Variants in THBS4 observed in about 807,000 individuals in gnomAD.
The protein encoded by THBS4 is thrombospondin-4.
THBS4 carries 90 observed loss-of-function variants against 115.7 expected under a neutral mutation model. That is an observed-to-expected ratio of 0.78 (90% confidence interval 0.66 to 0.93). The LOEUF (loss-of-function observed/expected upper bound fraction) is 0.93, where lower values mean the gene tolerates loss of function less well. Ranked by LOEUF, THBS4 falls within the 40% of genes least tolerant of loss-of-function variation. THBS4 has a pLI of 0.00. For synonymous variants in THBS4, 460 were observed against 479.3 expected (o/e 0.96, Z 0.53); for missense variants, 1,087 against 1,232.7 (o/e 0.88, Z 1.77).
At chr5:80,047,601 C>T (rs907436176) in intron 2 of THBS4, among the ~76,000 whole-genome samples, 3 of 150,996 alleles carry the variant, frequency 2.0e-5, no homozygotes, top group Non-Finnish European at 4.4e-5. Flanking sequence ...TGAGCCCACA[C>T]ATTCAAGACC....
intron 14 of THBS4, 34 bp downstream of exon 14, chr5:80,072,430 C>T: frequency 1.3e-6 from 2 of 1,560,276 alleles, no homozygotes; most frequent in South Asian, 1.1e-5. Context: ...AAACTCCAGG[C>T]TGAATTCCTC....
chr5:80,059,225 G>A (rs1355922658), intron 5 of THBS4, among the ~76,000 whole-genome samples: 3 of 151,852 alleles, frequency 2.0e-5, no homozygotes, highest in South Asian at 2.1e-4. Context: ...AGCTACTCAG[G>A]AGGCTGAGGC....
intron 2 of THBS4, among the ~76,000 whole-genome samples, chr5:80,023,445 C>G (rs982876688): frequency 4.6e-5 from 7 of 152,286 alleles, no homozygotes; most frequent in African/African-American, 1.7e-4. Flanking sequence ...TATTTTCCTT[C>G]CATTTACAAG....
intron 15 of THBS4, among the ~76,000 whole-genome samples, chr5:80,075,525 C>T (rs1743161743): frequency 6.6e-6 from 1 of 152,194 alleles, no homozygotes; most frequent in Non-Finnish European, 1.5e-5. Flanking sequence ...GGACTGTATC[C>T]TGACAACTGC....
chr5:80,019,041 G>GTTTTTTTTTT (rs537532061), intron 2 of THBS4, among the ~76,000 whole-genome samples: 1 of 135,012 alleles, frequency 7.4e-6, no homozygotes, highest in African/African-American at 2.7e-5. Context: ...CTCTGTGATT[G>GTTTTTTTTTT]TTTTTTTTTT....
At position 80,055,793 on chromosome 5, in the gene THBS4, C is replaced by T. The variant is rs369263489; in HGVS notation, c.301C>T (p.Arg101Cys). Reference protein sequence around the residue: ...VMGRLNKAILRYLKNDGKVHL... With the variant: ...VMGRLNKAILCYLKNDGKVHL... ...CCTGTGCTTGCTTCCAGCCATCCTC[C>T]GTTACCTGAAGAACGATGGGAAGGT... is the stretch of plus-strand genomic sequence containing the variant. The change falls in exon 3 of 22, where the codon CGT becomes TGT. Residue 101 changes from arginine to cysteine, a missense_variant. Physicochemically the swap from Arg to Cys is radical, Grantham distance 180. Transcript: ENST00000350881. 17 of 1,612,928 alleles carry T rather than the reference C, an allele frequency of 1.1e-5. No homozygotes were observed. The highest frequency in any genetic ancestry group is 2.7e-5 in the African/African-American group (2 of 74,918).
chr5:80,015,053 C>T (rs1832220251), intron 2 of THBS4, among the ~76,000 whole-genome samples: 1 of 152,210 alleles, frequency 6.6e-6, no homozygotes, highest in South Asian at 2.1e-4. Context: ...GAAATGTCAC[C>T]ATTCTGGTAA....
At chr5:80,070,504 ATTGTAC>A in intron 11 of THBS4, 94 bp downstream of exon 11, 1 of 1,434,468 alleles carries the variant, frequency 7.0e-7, no homozygotes, top group Non-Finnish European at 9.8e-7. Flanking sequence ...CTAATTTAAA[ATTGTAC>A]TTGTAAAGTA....
At position 80,079,180 on chromosome 5, in the gene THBS4, C is replaced by T. The variant is rs775909844; in HGVS notation, c.2433C>T (p.Val811=). Residue 811 remains valine, a synonymous_variant, in exon 19 of 22, where the codon GTC becomes GTT. Transcript: ENST00000350881. Reference sequence around the variant, plus strand: ...AAGATAGCTCCAGCTTCTACGTGGTCATGTGGAAGCAGACGGAGCAGACAT... The same window carrying T: ...AAGATAGCTCCAGCTTCTACGTGGTTATGTGGAAGCAGACGGAGCAGACAT... ...GYQDSSSFYV[V]MWKQTEQTYW... 6.2e-7 allele frequency: 1 copy of T among 1,614,062 alleles called. No homozygotes were observed. The highest frequency in any genetic ancestry group is 1.3e-5 in the African/African-American group (1 of 74,920).
chr5:80,080,244 G>T lies in THBS4; in HGVS notation c.2684+167G>T, dbSNP rs540384496. 5.6e-5 allele frequency: 47 copies of T among 833,890 alleles called. No homozygotes were observed. In the South Asian group the frequency reaches 7.6e-4, roughly 14 times the overall value. The allele number at this position is 833,890 out of a possible 1,614,324, so 51.7% of individuals were successfully genotyped here. On this transcript the variant is annotated intron_variant, in intron 20 of 21. Transcript: ENST00000350881. The stretch of plus-strand genomic sequence containing the variant: ...GGGAACCTAGAAAAGAGGTGGGAGA[G>T]AAGATATTCAGGGTCAGACCACCCG...
chr5:80,031,078 A>G (rs1203246791), upstream of THBS4, among the ~76,000 whole-genome samples: 2 of 152,220 alleles, frequency 1.3e-5, no homozygotes, highest in African/African-American at 4.8e-5. Flanking sequence ...CAATAATGCC[A>G]TCACACATGC....
At chr5:79,994,284 AGGT>A (rs1417166011) in intron 1 of THBS4, among the ~76,000 whole-genome samples, 1 of 152,178 alleles carries the variant, frequency 6.6e-6, no homozygotes, top group African/African-American at 2.4e-5. Context: ...TATAGCCAGT[AGGT>A]GGTAGAACCA....
intron 21 of THBS4, 64 bp from the exon 22 acceptor site, chr5:80,083,016 C>G: frequency 2.7e-6 from 4 of 1,471,292 alleles, no homozygotes; most frequent in East Asian, 2.3e-5. Flanking sequence ...GAGCCGCGGG[C>G]GGGGGTCCGG....
rs375513519 is a variant in THBS4, at chr5:80,077,212, A to G, written c.2086+164A>G. The stretch of plus-strand genomic sequence containing the variant: ...CATAGCTGCAGCTTGTGTGGACAGC[A>G]GATATCTGGTAGACACCAGTCTCCA... On this transcript the variant is annotated intron_variant, in intron 16 of 21. Coordinates refer to ENST00000350881, the MANE Select transcript of THBS4 (RefSeq NM_003248.6). Among the ~76,000 whole-genome samples, 142 of 152,336 alleles carry G rather than the reference A, an allele frequency of 9.3e-4. 1 individual carries two copies. In the East Asian group the frequency reaches 0.023, roughly 24 times the overall value.
At chr5:79,996,861 A>C (rs1831803703) in intron 1 of THBS4, among the ~76,000 whole-genome samples, 1 of 152,182 alleles carries the variant, frequency 6.6e-6, no homozygotes, top group African/African-American at 2.4e-5. Flanking sequence ...CTTATAATGG[A>C]AGTAAATAAT....
chr5:80,010,770 G>A lies in THBS4; in HGVS notation n.177+12343G>A, dbSNP rs555554997. On this transcript the variant is annotated intron_variant and non_coding_transcript_variant, in intron 2 of 3. Coordinates refer to the THBS4 transcript ENST00000510218. ...GGTCTCATCCAAATTGATACGGGGCGTTGAAGCTGAGCTGGTCCTTCAGAG... is the reference window on the plus strand; with the variant it reads ...GGTCTCATCCAAATTGATACGGGGCATTGAAGCTGAGCTGGTCCTTCAGAG... Among the ~76,000 whole-genome samples, 18 of 152,350 alleles carry A rather than the reference G, an allele frequency of 1.2e-4. No homozygotes were observed. In the East Asian group the frequency reaches 2.3e-3, roughly 20 times the overall value.
intron 2 of THBS4, among the ~76,000 whole-genome samples, chr5:80,054,822 C>A (rs548602162): frequency 6.6e-6 from 1 of 151,996 alleles, no homozygotes; most frequent in Non-Finnish European, 1.5e-5. Flanking sequence ...TGCTGAGGGA[C>A]GATATGACAG....
In THBS4 at chr5:80,022,574, T is replaced by C. The variant is rs140953742; in HGVS notation, n.178-17503T>C. 5.6e-3 allele frequency among the ~76,000 whole-genome samples: 859 copies of C among 152,318 alleles called. 5 individuals carry two copies. Among genetic ancestry groups the C allele is most frequent in the Middle Eastern group, 0.02 (6 of 294 alleles). On this transcript the variant is annotated intron_variant and non_coding_transcript_variant, in intron 2 of 3. Coordinates refer to the THBS4 transcript ENST00000510218. ...GCATGTTCACCTTTCAATTACACAG[T>C]TGAAAATATAGTTGTCTCAACACAA...
At chr5:80,063,682 C>T (rs368904462) in intron 8 of THBS4, among the ~76,000 whole-genome samples, 1 of 152,098 alleles carries the variant, frequency 6.6e-6, no homozygotes, top group Admixed American at 6.6e-5. Context: ...TGTTAAGAGT[C>T]CTCTAAAGAC....
Sources: gnomAD v4.1 joint callset for allele counts (sites outside exome capture counted in the v4.1 genomes callset) on GRCh38, gnomAD v4.1.1 for gene constraint, MANE v1.5 for transcripts, NCBI Gene and HGNC (gene_info 2026-07-23, HGNC 2026-07-21) for gene names.